The following MAP3K20 variants were observed in gnomAD, a reference collection of about 807,000 sequenced individuals.
The protein encoded by MAP3K20 is HCCS-4.
MAP3K20 carries 40 observed loss-of-function variants against 85.7 expected under a neutral mutation model. The ratio of observed to expected loss-of-function variants is 0.47; its 90% CI spans 0.36 to 0.61. The LOEUF (loss-of-function observed/expected upper bound fraction) is 0.61, where lower values mean the gene tolerates loss of function less well. Ranked by LOEUF, MAP3K20 falls within the 20% of genes least tolerant of loss-of-function variation. The probability of loss-of-function intolerance (pLI) is 0.00; values close to 1 mark genes in which losing one functional copy is unlikely to be tolerated. For synonymous variants in MAP3K20, 325 were observed against 327.7 expected (o/e 0.99, Z 0.09); for missense variants, 817 against 961.7 (o/e 0.85, Z 1.99).
intron 8 of MAP3K20, among the ~76,000 whole-genome samples, chr2:173,202,452 G>A (rs6750801): frequency 0.44 from 67,193 of 151,912 alleles, 15,986 homozygotes; most frequent in East Asian, 0.64. Flanking sequence ...TTGGCAAACA[G>A]AACTGTGGAA....
rs752529457 is a variant in MAP3K20 at position 173,217,244 on chromosome 2, C to A, written c.981C>A (p.Asn327Lys). Residue 327 changes from asparagine to lysine, a missense_variant, in exon 11 of 20, where the codon AAC becomes AAA. Around this residue, in one of 4 missense-constraint regions of MAP3K20, gnomAD observed 158 missense variants for 162.0 expected, o/e 0.98. Coordinates refer to ENST00000375213, the MANE Select transcript of MAP3K20 (RefSeq NM_016653.3). ...AGCAAAAGCTGACAGAGCAGTCCAACACCCCGGTGAGTACCCTCCCCCTTC... is the reference window on the plus strand; with the variant it reads ...AGCAAAAGCTGACAGAGCAGTCCAAAACCCCGGTGAGTACCCTCCCCCTTC... The part of the protein sequence containing the change: ...MWEQKLTEQS[N>K]TPLLPSFEIG... The A allele has an allele frequency of 1.3e-6, 2 of 1,578,366 alleles. No homozygotes were observed. The highest frequency in any genetic ancestry group is 2.4e-5 in the South Asian group (2 of 84,300).
chr2:173,133,429 TCATTC>T (rs1399127211), intron 2 of MAP3K20, among the ~76,000 whole-genome samples: 8 of 151,766 alleles, frequency 5.3e-5, no homozygotes, highest in Non-Finnish European at 8.8e-5. Context: ...AGAGTGAGAG[TCATTC>T]AGGGACTGTG....
rs527801799 is a variant in MAP3K20, at chr2:173,171,710, C to G, written c.247+1818C>G. 1.3e-3 allele frequency among the ~76,000 whole-genome samples: 191 copies of G among 152,324 alleles called. 2 individuals carry two copies. The highest frequency in any genetic ancestry group is 2.9e-3 in the South Asian group (14 of 4,830). ...CTTTAGCATTCTCTACTCATACTTGCACCTACCCAAATTCTTCAGTTAAAT... is the reference window on the plus strand; with the variant it reads ...CTTTAGCATTCTCTACTCATACTTGGACCTACCCAAATTCTTCAGTTAAAT... On this transcript the variant is annotated intron_variant, in intron 3 of 19. Coordinates refer to ENST00000375213, the MANE Select transcript of MAP3K20 (RefSeq NM_016653.3).
At chr2:173,154,102 A>G (rs1689386036) in intron 2 of MAP3K20, among the ~76,000 whole-genome samples, 3 of 151,850 alleles carry the variant, frequency 2.0e-5, no homozygotes, top group Admixed American at 6.5e-5. Flanking sequence ...CTGTTACCCT[A>G]TCACTACACC....
chr2:173,258,933 G>C, intron 17 of MAP3K20, 118 bp downstream of exon 17: 1 of 567,860 alleles, frequency 1.8e-6, no homozygotes, highest in Non-Finnish European at 3.1e-6. Flanking sequence ...GCTCAGCCTC[G>C]AGCTGGCTGT....
At chr2:173,209,165 A>G (rs1320041236) in intron 9 of MAP3K20, among the ~76,000 whole-genome samples, 1 of 152,214 alleles carries the variant, frequency 6.6e-6, no homozygotes, top group East Asian at 1.9e-4. Context: ...TTTGGAGTAC[A>G]GATTATTTCC....
intron 1 of MAP3K20, among the ~76,000 whole-genome samples, chr2:173,087,078 C>T (rs183635135): frequency 0.012 from 1,831 of 152,342 alleles, 22 homozygotes; most frequent in Middle Eastern, 0.024. Context: ...TATTTACTCA[C>T]TTATTCAACA....
At chr2:173,096,996 T>G (rs1475134338) in intron 2 of MAP3K20, among the ~76,000 whole-genome samples, 1 of 152,136 alleles carries the variant, frequency 6.6e-6, no homozygotes, top group Non-Finnish European at 1.5e-5. Context: ...AGAAAGACAT[T>G]GTGACTGCAA....
At chr2:173,222,955 A>G in intron 11 of MAP3K20, 1 of 985,416 alleles carries the variant, frequency 1.0e-6, no homozygotes, top group Non-Finnish European at 1.2e-6. Context: ...GAGTGTCATT[A>G]TTTGACTGTT....
intron 1 of MAP3K20, among the ~76,000 whole-genome samples, chr2:173,082,595 C>T (rs1033106539): frequency 5.9e-5 from 9 of 152,156 alleles, no homozygotes; most frequent in African/African-American, 1.7e-4. Context: ...TGGGAGGTAG[C>T]GAACTGAAGT....
intron 16 of MAP3K20, among the ~76,000 whole-genome samples, chr2:173,240,346 G>A (rs1007241636): frequency 1.8e-4 from 27 of 152,152 alleles, no homozygotes; most frequent in Admixed American, 1.6e-3. Flanking sequence ...TAAGCCTACC[G>A]ATTGCTCTGG....
chr2:173,242,459 C>T (rs372381084), intron 16 of MAP3K20, among the ~76,000 whole-genome samples: 8 of 151,840 alleles, frequency 5.3e-5, no homozygotes, highest in East Asian at 1.9e-4. Context: ...TGAGCAACTG[C>T]GCCTGGCCAA....
Position 173,187,548 on chromosome 2 carries a change from G to A in MAP3K20, c.350-10G>A. 1 of 1,590,856 alleles carries A rather than the reference G, an allele frequency of 6.3e-7. No individual in the cohort carries two copies. ...TATTAATAGGCCTTTATTTCTTCTT[G>A]TGTGAAAAGGAATGCATTATTTACA... On this transcript the variant is annotated splice_polypyrimidine_tract_variant and intron_variant, in intron 4 of 19. Coordinates refer to ENST00000375213, the MANE Select transcript of MAP3K20 (RefSeq NM_016653.3).
At chr2:173,166,959 C>A (rs1274408067) in intron 2 of MAP3K20, 1 of 138,670 alleles carries the variant, frequency 7.2e-6, no homozygotes, top group African/African-American at 2.7e-5. Flanking sequence ...TTCGCCCAGG[C>A]TGGACTGCAG....
intron 9 of MAP3K20, among the ~76,000 whole-genome samples, chr2:173,208,542 A>G (rs1283167787): frequency 1.3e-5 from 2 of 152,206 alleles, no homozygotes; most frequent in Non-Finnish European, 2.9e-5. Flanking sequence ...CTTAATATAT[A>G]TCAGTAACAT....
chr2:173,173,280 T>G (rs966374837), intron 3 of MAP3K20, among the ~76,000 whole-genome samples: 5 of 151,882 alleles, frequency 3.3e-5, no homozygotes, highest in African/African-American at 9.7e-5. Flanking sequence ...ACCATGTAGC[T>G]CTTTTGTAGC....
intron 1 of MAP3K20, among the ~76,000 whole-genome samples, chr2:173,076,427 G>T (rs1308220003): frequency 6.6e-6 from 1 of 152,116 alleles, no homozygotes; most frequent in Admixed American, 6.5e-5. Flanking sequence ...GGCACTGTCG[G>T]GAGGCGAACC....
At chr2:173,244,533 C>T (rs1274580270) in intron 16 of MAP3K20, among the ~76,000 whole-genome samples, 2 of 152,132 alleles carry the variant, frequency 1.3e-5, no homozygotes, top group East Asian at 3.9e-4. Flanking sequence ...TATGACTTGC[C>T]TGGGATGAGG....
chr2:173,228,153 G>T (rs540878354), intron 11 of MAP3K20, among the ~76,000 whole-genome samples: 23 of 152,178 alleles, frequency 1.5e-4, no homozygotes, highest in Non-Finnish European at 2.6e-4. Flanking sequence ...ATTTCAGTGT[G>T]TACTTTATGT....
Sources: allele counts gnomAD v4.1 joint callset (sites outside exome capture counted in the v4.1 genomes callset), GRCh38; gene constraint gnomAD v4.1.1; regional missense constraint gnomAD v4.1.1; transcripts MANE v1.5; gene names NCBI Gene and HGNC (gene_info 2026-07-23, HGNC 2026-07-21).